Variants in FAM107B observed in about 807,000 individuals in gnomAD.
FAM107B encodes protein FAM107B.
FAM107B carries 21 observed loss-of-function variants against 31.5 expected under a neutral mutation model. The ratio of observed to expected loss-of-function variants is 0.67; its 90% CI spans 0.47 to 0.96. FAM107B has a LOEUF of 0.96. Among genes scored for constraint, FAM107B ranks in the 40% least tolerant of loss-of-function variants. The probability of loss-of-function intolerance (pLI) is 0.00; values close to 1 mark genes in which losing one functional copy is unlikely to be tolerated. For missense variants in FAM107B, 452 were observed against 377.1 expected, an observed-to-expected ratio of 1.20 and a Z score of -1.64; for synonymous variants, 157 against 141.5, an observed-to-expected ratio of 1.11 and a Z score of -0.78.
chr10:14,597,559 G>A (rs1852228608), intron 2 of FAM107B, among the ~76,000 whole-genome samples: 2 of 152,320 alleles, frequency 1.3e-5, no homozygotes, highest in South Asian at 4.1e-4. Context: ...GGCATGAAGA[G>A]ATACTGAGGA....
chr10:14,766,566 G>A (rs1833165805), intron 1 of FAM107B, among the ~76,000 whole-genome samples: 1 of 152,062 alleles, frequency 6.6e-6, no homozygotes, highest in South Asian at 2.1e-4. Flanking sequence ...TTACTCTGAG[G>A]GAAATAGGGA....
At chr10:14,590,041 T>C (rs878914571) in intron 2 of FAM107B, among the ~76,000 whole-genome samples, 2 of 151,920 alleles carry the variant, frequency 1.3e-5, no homozygotes, top group African/African-American at 2.4e-5. Flanking sequence ...AACGTACTAA[T>C]GGTCCTTATT....
chr10:14,692,129 C>G (rs577165765), intron 1 of FAM107B, among the ~76,000 whole-genome samples: 2 of 152,150 alleles, frequency 1.3e-5, no homozygotes, highest in South Asian at 2.1e-4. Flanking sequence ...CAGTAAGAAC[C>G]AGGCTGGGAA....
intron 1 of FAM107B, among the ~76,000 whole-genome samples, chr10:14,758,926 C>A (rs1832983837): frequency 6.9e-6 from 1 of 144,488 alleles, no homozygotes; most frequent in Non-Finnish European, 1.5e-5. Flanking sequence ...TGCCTGTAAT[C>A]CCAGCACTTT....
At chr10:14,712,545 G>A (rs1335743769) in intron 1 of FAM107B, among the ~76,000 whole-genome samples, 1 of 151,224 alleles carries the variant, frequency 6.6e-6, no homozygotes, top group Non-Finnish European at 1.5e-5. Context: ...AGTGAGCCCA[G>A]ATCGCGTCAC....
intron 1 of FAM107B, among the ~76,000 whole-genome samples, chr10:14,772,362 A>ATATATATAT (rs1554759099): frequency 2.1e-5 from 3 of 145,590 alleles, no homozygotes; most frequent in African/African-American, 7.8e-5. Context: ...TTAAAAAAAA[A>ATATATATAT]ATATATATAT....
At chr10:14,763,234 C>T (rs936123030) in intron 1 of FAM107B, among the ~76,000 whole-genome samples, 8 of 152,148 alleles carry the variant, frequency 5.3e-5, no homozygotes, top group African/African-American at 1.9e-4. Flanking sequence ...TGCACTCCAG[C>T]CTGGTGACAG....
chr10:14,543,962 A>T lies in FAM107B; in HGVS notation c.470-13447T>A, dbSNP rs112584450. Among the ~76,000 whole-genome samples the T allele has an allele frequency of 1.1e-3, 173 of 152,134 alleles. 2 individuals carry two copies. Among genetic ancestry groups the T allele is most frequent in the African/African-American group, 3.7e-3 (155 of 41,514 alleles). ...CCCCACCTTTCGCCTCCATTCACTC[A>T]CCCCTGTTCCCAAGAACCACTGACT... On this transcript the variant is annotated intron_variant, in intron 2 of 4. Coordinates refer to ENST00000181796, the MANE Select transcript of FAM107B (RefSeq NM_031453.4).
At chr10:14,567,485 A>T (rs1338898194) in intron 2 of FAM107B, among the ~76,000 whole-genome samples, 2 of 152,052 alleles carry the variant, frequency 1.3e-5, no homozygotes, top group African/African-American at 2.4e-5. Context: ...TGATGAGGAA[A>T]ATTTGATTTC....
chr10:14,599,362 C>T (rs1852290742), intron 2 of FAM107B, among the ~76,000 whole-genome samples: 1 of 152,186 alleles, frequency 6.6e-6, no homozygotes, highest in Admixed American at 6.5e-5. Flanking sequence ...TGTTCTTACA[C>T]CCCAGTCTCT....
At chr10:14,773,732 T>C (rs1833356141) in intron 1 of FAM107B, among the ~76,000 whole-genome samples, 1 of 152,316 alleles carries the variant, frequency 6.6e-6, no homozygotes, top group East Asian at 1.9e-4. Context: ...AATAGTTTTA[T>C]AGGTCAGTTC....
intron 2 of FAM107B, among the ~76,000 whole-genome samples, chr10:14,642,068 C>A (rs1036876469): frequency 6.6e-6 from 1 of 152,192 alleles, no homozygotes; most frequent in Non-Finnish European, 1.5e-5. Context: ...AACATTGGGA[C>A]AGGCATAAGA....
At chr10:14,560,008 G>A (rs1433973318) in intron 2 of FAM107B, among the ~76,000 whole-genome samples, 1 of 151,960 alleles carries the variant, frequency 6.6e-6, no homozygotes, top group Non-Finnish European at 1.5e-5. Flanking sequence ...ATTAACAAAC[G>A]CACAACCCTT....
intron 2 of FAM107B, among the ~76,000 whole-genome samples, chr10:14,614,484 C>T (rs553969224): frequency 6.6e-6 from 1 of 151,760 alleles, no homozygotes; most frequent in Non-Finnish European, 1.5e-5. Flanking sequence ...ATCAGCCTGA[C>T]CAACATGGTG....
intron 2 of FAM107B, among the ~76,000 whole-genome samples, chr10:14,583,745 GGA>G (rs756249448): frequency 6.6e-6 from 1 of 151,936 alleles, no homozygotes; most frequent in Non-Finnish European, 1.5e-5. Flanking sequence ...GAAACTACAG[GGA>G]AAAAGGAAAA....
At chr10:14,726,722 G>A (rs1396656449) in intron 1 of FAM107B, among the ~76,000 whole-genome samples, 1 of 152,080 alleles carries the variant, frequency 6.6e-6, no homozygotes, top group East Asian at 1.9e-4. Context: ...ATTATCAGCT[G>A]CTTTCTTGTG....
At chr10:14,532,405 A>C (rs1564531809) in intron 2 of FAM107B, among the ~76,000 whole-genome samples, 1 of 152,246 alleles carries the variant, frequency 6.6e-6, no homozygotes, top group East Asian at 1.9e-4. Flanking sequence ...AAGTCAACTG[A>C]AAAATAATGT....
At chr10:14,723,756 A>AGTG in intron 1 of FAM107B, 1 of 757,984 alleles carries the variant, frequency 1.3e-6, no homozygotes. Flanking sequence ...TGAAGTGGCC[A>AGTG]GCAATTAGAG....
chr10:14,767,527 C>G (rs1273653874), intron 1 of FAM107B, among the ~76,000 whole-genome samples: 1 of 151,964 alleles, frequency 6.6e-6, no homozygotes, highest in East Asian at 1.9e-4. Context: ...AAAAATCGAT[C>G]AGTGTAACAT....
Sources: gnomAD v4.1 joint callset for allele counts (sites outside exome capture counted in the v4.1 genomes callset) on GRCh38, gnomAD v4.1.1 for gene constraint, MANE v1.5 for transcripts, NCBI Gene and HGNC (gene_info 2026-07-23, HGNC 2026-07-21) for gene names.